Variants in MGST1 observed in about 807,000 individuals in gnomAD.
MGST1 encodes the protein microsomal glutathione S-transferase 1.
In MGST1, 5 loss-of-function variants were observed where a neutral mutation model predicts 8.9. That is an observed-to-expected ratio of 0.56 (90% confidence interval 0.29 to 1.19). The LOEUF (loss-of-function observed/expected upper bound fraction) is 1.19, where lower values mean the gene tolerates loss of function less well. MGST1 is among the 50% of genes most tolerant of loss of function. The pLI is 0.08. For synonymous variants in MGST1, 54 were observed against 67.8 expected, an observed-to-expected ratio of 0.80 and a Z score of 1.00; for missense variants, 182 against 187.4, an observed-to-expected ratio of 0.97 and a Z score of 0.17.
intron 4 of MGST1, chr12:16,551,285 G>A: frequency 6.2e-7 from 1 of 1,612,754 alleles, no homozygotes; most frequent in Non-Finnish European, 8.5e-7. Context: ...TCTGGCAAAG[G>A]ATCATGTTAT....
intron 4 of MGST1, among the ~76,000 whole-genome samples, chr12:16,541,996 C>A (rs1432847982): frequency 2.6e-5 from 4 of 152,248 alleles, no homozygotes; most frequent in African/African-American, 9.6e-5. Context: ...CGCCCTGCTG[C>A]AGTGGCCCCC....
chr12:16,499,136 C>T (rs2137165357), intron 4 of MGST1, among the ~76,000 whole-genome samples: 1 of 152,188 alleles, frequency 6.6e-6, no homozygotes, highest in South Asian at 2.1e-4. Context: ...TAATCTCTCC[C>T]CTTTAAGTAT....
intron 4 of MGST1, among the ~76,000 whole-genome samples, chr12:16,478,820 A>G (rs1430763470): frequency 6.6e-6 from 1 of 152,130 alleles, no homozygotes; most frequent in Non-Finnish European, 1.5e-5. Flanking sequence ...TTGACATGAA[A>G]TTCACATAAC....
At chr12:16,468,536 T>A (rs1444001570) in intron 4 of MGST1, among the ~76,000 whole-genome samples, 1 of 152,200 alleles carries the variant, frequency 6.6e-6, no homozygotes, top group East Asian at 1.9e-4. Flanking sequence ...ATATAGTACA[T>A]TATGATCAAC....
At chr12:16,525,779 A>G (rs1412593577) in intron 4 of MGST1, among the ~76,000 whole-genome samples, 4 of 150,562 alleles carry the variant, frequency 2.7e-5, no homozygotes, top group Non-Finnish European at 5.9e-5. Context: ...AAGTGTTCCT[A>G]TTTCTCCACA....
chr12:16,513,683 G>T lies in MGST1; in HGVS notation n.483-75845G>T, dbSNP rs542628802. On this transcript the variant is annotated intron_variant and non_coding_transcript_variant, in intron 4 of 4. Coordinates refer to the MGST1 transcript ENST00000538857. The surrounding 1 kb of genome is among the most constrained non-coding windows in gnomAD (Gnocchi z 4.2). ...GACGAGGACTACCTCTCCATTGGGC[G>T]GCTGGCTGAATTTTGCAAGGCATCT... 2 of 530,402 alleles carry T rather than the reference G, an allele frequency of 3.8e-6. No individual in the cohort carries two copies. Among genetic ancestry groups the T allele is most frequent in the African/African-American group, 3.8e-5 (2 of 52,140 alleles). The allele number at this position is 530,402 out of a possible 1,614,324, so 32.9% of individuals were successfully genotyped here. A position where few individuals can be genotyped will look rare whatever the true frequency, so the allele number is the denominator to read the frequency against.
intron 4 of MGST1, among the ~76,000 whole-genome samples, chr12:16,450,519 G>GAAGGAATTC (rs1432509611): frequency 6.6e-6 from 1 of 151,954 alleles, no homozygotes; most frequent in Non-Finnish European, 1.5e-5. Context: ...AAGCTGAGAG[G>GAAGGAATTC]TAGAAAGTGT....
At chr12:16,365,412 A>G (rs958821698), downstream of MGST1, among the ~76,000 whole-genome samples, 1 of 152,148 alleles carries the variant, frequency 6.6e-6, no homozygotes, top group East Asian at 1.9e-4. Flanking sequence ...TTAAATATGT[A>G]TTTCTCAAAC....
At chr12:16,476,708 A>G (rs1202571835) in intron 4 of MGST1, among the ~76,000 whole-genome samples, 1 of 152,194 alleles carries the variant, frequency 6.6e-6, no homozygotes, top group African/African-American at 2.4e-5. Context: ...ACTTGAAGGA[A>G]GGATTTGAAT....
intron 2 of MGST1, among the ~76,000 whole-genome samples, chr12:16,355,792 A>G (rs1024436515): frequency 1.3e-5 from 2 of 152,180 alleles, no homozygotes; most frequent in Non-Finnish European, 2.9e-5. Context: ...TCATCTTTCC[A>G]TTTTATATAG....
At chr12:16,407,323 A>G (rs1940704119) in intron 1 of MGST1, among the ~76,000 whole-genome samples, 1 of 152,206 alleles carries the variant, frequency 6.6e-6, no homozygotes, top group Non-Finnish European at 1.5e-5. Flanking sequence ...GCTTGATATC[A>G]CTGATCACTG....
intron 4 of MGST1, among the ~76,000 whole-genome samples, chr12:16,554,869 A>C (rs1942132575): frequency 6.6e-6 from 1 of 152,018 alleles, no homozygotes; most frequent in Non-Finnish European, 1.5e-5. Context: ...CGTGTTAGCC[A>C]GGATGGTCTC....
At position 16,500,705 on chromosome 12, in the gene MGST1, A is replaced by G. The variant is rs1201218297; in HGVS notation, n.483-88823A>G. On this transcript the variant is annotated intron_variant and non_coding_transcript_variant, in intron 4 of 4. Transcript: ENST00000538857. The surrounding 1 kb of genome is among the most constrained non-coding windows in gnomAD (Gnocchi z 4.3). ...AGCAGGTGCTCAATAAATATATGTG[A>G]CTGATTGTGAAAGTCATCATTATCT... Among the ~76,000 whole-genome samples the G allele has an allele frequency of 6.6e-6, 1 of 151,798 alleles. No homozygotes were observed. Among genetic ancestry groups the G allele is most frequent in the Non-Finnish European group, 1.5e-5 (1 of 67,962 alleles).
At chr12:16,380,454 G>C (rs1940438982), downstream of MGST1, among the ~76,000 whole-genome samples, 1 of 152,152 alleles carries the variant, frequency 6.6e-6, no homozygotes. Flanking sequence ...GAGCGGTTTT[G>C]AGTGAGTTTT....
At chr12:16,491,497 A>G (rs888141978) in intron 4 of MGST1, among the ~76,000 whole-genome samples, 3 of 152,126 alleles carry the variant, frequency 2.0e-5, no homozygotes, top group Non-Finnish European at 2.9e-5. Flanking sequence ...CAAATCATTC[A>G]TGTTATCTGG....
intron 4 of MGST1, among the ~76,000 whole-genome samples, chr12:16,578,857 C>A (rs1013713998): frequency 2.1e-5 from 3 of 145,854 alleles, no homozygotes; most frequent in Non-Finnish European, 3.0e-5. Context: ...ACAACAACAA[C>A]AAAACATTAA....
intron 4 of MGST1, among the ~76,000 whole-genome samples, chr12:16,574,832 A>G (rs1942940692): frequency 6.6e-6 from 1 of 152,206 alleles, no homozygotes; most frequent in African/African-American, 2.4e-5. Flanking sequence ...GTGGGGAAAC[A>G]GAAGTATAGA....
chr12:16,551,107 C>T (rs1941972866), intron 4 of MGST1: 1 of 678,912 alleles, frequency 1.5e-6, no homozygotes, highest in Admixed American at 2.3e-5. Context: ...AACCATCCTG[C>T]CTTCCTATAT....
chr12:16,489,957 T>C (rs950135842), intron 4 of MGST1, among the ~76,000 whole-genome samples: 6 of 152,138 alleles, frequency 3.9e-5, no homozygotes, highest in African/African-American at 1.4e-4. Context: ...GAGTGACATA[T>C]ACTATGTCTA....
Sources: allele counts gnomAD v4.1 joint callset (sites outside exome capture counted in the v4.1 genomes callset), GRCh38; gene constraint gnomAD v4.1.1; non-coding constraint Gnocchi (gnomAD v3.1); transcripts MANE v1.5; gene names NCBI Gene and HGNC (gene_info 2026-07-23, HGNC 2026-07-21).